The following KCNQ5 variants were observed in gnomAD, a reference collection of about 807,000 sequenced individuals.
KCNQ5 encodes the protein potassium voltage-gated channel subfamily Q member 5, also known as potassium voltage-gated channel subfamily KQT member 5.
Under a neutral mutation model 98.2 loss-of-function variants are expected in KCNQ5, and 30 were observed. The observed-to-expected ratio is 0.31, with a 90% confidence interval of 0.23 to 0.41. The LOEUF is 0.41. KCNQ5 is among the 10% of genes least tolerant of loss of function. KCNQ5 has a pLI of 1.00. For synonymous variants in KCNQ5, 458 were observed against 449.4 expected, an observed-to-expected ratio of 1.02 and a Z score of -0.24; for missense variants, 835 against 1,182.5, an observed-to-expected ratio of 0.71 and a Z score of 4.31.
At position 73,139,481 on chromosome 6, in the gene KCNQ5, A is replaced by G. The variant is rs1445508792; in HGVS notation, c.1468+5840A>G. Reference sequence around the variant, plus strand: ...ACCTCTTCCACTTTGGGGTGAGGGTAAGGAGTCAGCATGTCCTTAAACATG... The same window carrying G: ...ACCTCTTCCACTTTGGGGTGAGGGTGAGGAGTCAGCATGTCCTTAAACATG... On this transcript the variant is annotated intron_variant, in intron 10 of 13. Coordinates refer to ENST00000370398, the MANE Select transcript of KCNQ5 (RefSeq NM_019842.4). 2.0e-5 allele frequency among the ~76,000 whole-genome samples: 3 copies of G among 152,306 alleles called. No homozygotes were observed. The East Asian group carries it at 5.8e-4, about 29-fold the overall frequency.
chr6:73,150,078 A>G (rs572172613), intron 10 of KCNQ5, among the ~76,000 whole-genome samples: 3 of 152,178 alleles, frequency 2.0e-5, no homozygotes, highest in African/African-American at 7.2e-5. Context: ...CAAAGAGCAT[A>G]TAAACATGGC....
chr6:72,980,384 G>T (rs186270859), intron 1 of KCNQ5, among the ~76,000 whole-genome samples: 1 of 152,086 alleles, frequency 6.6e-6, no homozygotes, highest in African/African-American at 2.4e-5. Flanking sequence ...CCTTGAAAAG[G>T]TCCTTCACAT....
intron 11 of KCNQ5, among the ~76,000 whole-genome samples, chr6:73,183,903 A>T (rs1439827675): frequency 6.6e-6 from 1 of 152,212 alleles, no homozygotes; most frequent in Non-Finnish European, 1.5e-5. Context: ...AGACAGGCAC[A>T]CGTGATTTTT....
At chr6:72,739,370 G>A (rs1432546675) in intron 1 of KCNQ5, among the ~76,000 whole-genome samples, 1 of 152,130 alleles carries the variant, frequency 6.6e-6, no homozygotes, top group Non-Finnish European at 1.5e-5. Flanking sequence ...AAGGACTGAA[G>A]CAACTATCTG....
At chr6:72,754,811 T>C (rs1002542665) in intron 1 of KCNQ5, among the ~76,000 whole-genome samples, 3 of 152,142 alleles carry the variant, frequency 2.0e-5, no homozygotes, top group African/African-American at 7.2e-5. Flanking sequence ...GTCAATTAGG[T>C]CAAGTTGGTT....
intron 3 of KCNQ5, among the ~76,000 whole-genome samples, chr6:73,054,325 C>T (rs1255601999): frequency 6.6e-6 from 1 of 152,144 alleles, no homozygotes; most frequent in Non-Finnish European, 1.5e-5. Context: ...GGAGGAGGGA[C>T]TCCTCCCTAA....
intron 3 of KCNQ5, among the ~76,000 whole-genome samples, chr6:73,054,623 G>T (rs948976430): frequency 2.0e-4 from 31 of 152,252 alleles, no homozygotes; most frequent in South Asian, 1.9e-3. Flanking sequence ...TGCAGAAAAG[G>T]CTTTTGATAA....
chr6:73,092,094 G>GT (rs1233636664), intron 5 of KCNQ5, among the ~76,000 whole-genome samples: 87 of 137,692 alleles, frequency 6.3e-4, no homozygotes, highest in African/African-American at 2.1e-3. Flanking sequence ...TTTTTTGTTT[G>GT]TTTGTTTTTT....
At chr6:72,625,508 A>G (rs2098917616) in intron 1 of KCNQ5, among the ~76,000 whole-genome samples, 1 of 152,196 alleles carries the variant, frequency 6.6e-6, no homozygotes, top group South Asian at 2.1e-4. Context: ...TTTAAGGAAA[A>G]TTTTGAAGAA....
At chr6:72,981,097 C>G (rs1056189340) in intron 1 of KCNQ5, among the ~76,000 whole-genome samples, 1 of 151,982 alleles carries the variant, frequency 6.6e-6, no homozygotes, top group African/African-American at 2.4e-5. Context: ...CGATATTCCT[C>G]GGGATATTGG....
chr6:72,784,989 C>G (rs1209135609), intron 1 of KCNQ5, among the ~76,000 whole-genome samples: 1 of 152,124 alleles, frequency 6.6e-6, no homozygotes, highest in African/African-American at 2.4e-5. Context: ...AAAAGCTAAA[C>G]AGCAGTTTAA....
At chr6:72,929,875 A>G (rs2150227812) in intron 1 of KCNQ5, among the ~76,000 whole-genome samples, 1 of 152,302 alleles carries the variant, frequency 6.6e-6, no homozygotes, top group East Asian at 1.9e-4. Context: ...CAGTCTTATG[A>G]CAGGAAATAT....
At chr6:72,777,549 T>C (rs1773221433) in intron 1 of KCNQ5, among the ~76,000 whole-genome samples, 1 of 152,096 alleles carries the variant, frequency 6.6e-6, no homozygotes, top group South Asian at 2.1e-4. Flanking sequence ...TTTTTCCACC[T>C]CCACCCTAGG....
chr6:72,700,467 T>C (rs1055171505), intron 1 of KCNQ5, among the ~76,000 whole-genome samples: 46 of 152,298 alleles, frequency 3.0e-4, no homozygotes, highest in Admixed American at 4.6e-4. Context: ...TTGTTAAGAT[T>C]GATTAGGTTT....
intron 1 of KCNQ5, among the ~76,000 whole-genome samples, chr6:72,625,921 G>T (rs1392662034): frequency 6.6e-6 from 1 of 152,072 alleles, no homozygotes; most frequent in Non-Finnish European, 1.5e-5. Context: ...TCTGGTTTCT[G>T]TTCTCAGCCT....
intron 1 of KCNQ5, among the ~76,000 whole-genome samples, chr6:72,917,739 G>A (rs1392626135): frequency 6.6e-6 from 1 of 152,098 alleles, no homozygotes; most frequent in Non-Finnish European, 1.5e-5. Flanking sequence ...CCAAAGTGCT[G>A]AGATTACAGG....
chr6:72,820,744 A>G (rs1433498951), intron 1 of KCNQ5, among the ~76,000 whole-genome samples: 1 of 152,130 alleles, frequency 6.6e-6, no homozygotes, highest in African/African-American at 2.4e-5. Context: ...TATTAATGAA[A>G]TGTATCATTT....
At chr6:73,021,892 T>C (rs1396159304) in intron 2 of KCNQ5, among the ~76,000 whole-genome samples, 1 of 152,230 alleles carries the variant, frequency 6.6e-6, no homozygotes, top group Non-Finnish European at 1.5e-5. Context: ...TCGCTCATTT[T>C]GTGCCTCTTT....
At chr6:72,628,821 C>T (rs1210551647) in intron 1 of KCNQ5, among the ~76,000 whole-genome samples, 1 of 152,062 alleles carries the variant, frequency 6.6e-6, no homozygotes, top group East Asian at 1.9e-4. Flanking sequence ...CTATGTTGGC[C>T]AGGCTGGTCT....
Sources: gnomAD v4.1 joint callset for allele counts (sites outside exome capture counted in the v4.1 genomes callset) on GRCh38, gnomAD v4.1.1 for gene constraint, MANE v1.5 for transcripts, NCBI Gene and HGNC (gene_info 2026-07-23, HGNC 2026-07-21) for gene names.